SERINC3: variants seen among roughly 807,000 people sequenced by gnomAD.
SERINC3 encodes tumor differentially expressed protein 1.
In SERINC3, 22 loss-of-function variants were observed where a neutral mutation model predicts 52.1. The ratio of observed to expected loss-of-function variants is 0.42; its 90% CI spans 0.30 to 0.60. The LOEUF is 0.60. Among genes scored for constraint, SERINC3 ranks in the 20% least tolerant of loss-of-function variants. The pLI is 0.16. For synonymous variants in SERINC3, 226 were observed against 212.7 expected (o/e 1.06, Z -0.54); for missense variants, 564 against 584.6 (o/e 0.96, Z 0.36).
At chr20:44,512,126 A>C (rs572834484) in intron 3 of SERINC3, among the ~76,000 whole-genome samples, 262 of 152,288 alleles carry the variant, frequency 1.7e-3, no homozygotes, top group Non-Finnish European at 3.3e-3. Context: ...CAGCCTGGCC[A>C]ACACGGTGAA....
At position 44,521,547 on chromosome 20, in the gene SERINC3, G is replaced by A. The variant is rs1600822765; in HGVS notation, c.39+366C>T. On this transcript the variant is annotated intron_variant, in intron 1 of 9. Coordinates refer to ENST00000342374, the MANE Select transcript of SERINC3 (RefSeq NM_006811.4). The stretch of plus-strand genomic sequence containing the variant: ...ATAAAAATATTACTTGAGCCACCTA[G>A]AACTAAATGATGGCACCTTAAGAGG... Among the ~76,000 whole-genome samples, 5 of 152,364 alleles carry A rather than the reference G, an allele frequency of 3.3e-5. 1 individual carries two copies. The highest frequency in any genetic ancestry group is 3.3e-4 in the Admixed American group (5 of 15,306).
intron 5 of SERINC3, among the ~76,000 whole-genome samples, chr20:44,509,075 A>G (rs2064331786): frequency 6.6e-6 from 1 of 152,260 alleles, no homozygotes; most frequent in Non-Finnish European, 1.5e-5. Flanking sequence ...CTAAGGAAAT[A>G]ATCAGAAATG....
chr20:44,501,020 T>G (rs139883459), intron 9 of SERINC3, 53 bp downstream of exon 9: 7 of 1,313,322 alleles, frequency 5.3e-6, no homozygotes, highest in Middle Eastern at 1.9e-4. Context: ...TGAGATTTTA[T>G]AGGCCATCCA....
At chr20:44,504,131 G>C in intron 7 of SERINC3, 136 bp from the exon 8 acceptor site, 1 of 600,552 alleles carries the variant, frequency 1.7e-6, no homozygotes, top group Non-Finnish European at 2.7e-6. Flanking sequence ...CTGAAACTTA[G>C]CAGTCAGTAG....
chr20:44,508,263 C>A (rs532774869), intron 5 of SERINC3, among the ~76,000 whole-genome samples: 1 of 152,116 alleles, frequency 6.6e-6, no homozygotes, highest in South Asian at 2.1e-4. Flanking sequence ...GCAGGTGGAT[C>A]GATTGAGTCC....
chr20:44,501,686 C>T (rs1316782389), intron 8 of SERINC3, among the ~76,000 whole-genome samples: 3 of 152,150 alleles, frequency 2.0e-5, no homozygotes, highest in Non-Finnish European at 2.9e-5. Flanking sequence ...CTGACATCAC[C>T]CCTCACTGGC....
Position 44,503,918 on chromosome 20 carries a change from C to G in SERINC3, c.952G>C (p.Ala318Pro). The G allele has an allele frequency of 6.2e-7, 1 of 1,604,862 alleles. No individual in the cohort carries two copies. The highest frequency in any genetic ancestry group is 8.5e-7 in the Non-Finnish European group (1 of 1,176,874). Residue 318 changes from alanine to proline, a missense_variant, in exon 8 of 10, where the codon GCT becomes CCT. Physicochemically the swap from Ala to Pro is conservative, Grantham distance 27. Coordinates refer to ENST00000342374, the MANE Select transcript of SERINC3 (RefSeq NM_006811.4). Reference protein sequence around the residue: ...APTLAPGNSTAVVPTPTPPSK... With the variant: ...APTLAPGNSTPVVPTPTPPSK... ...GGTGGAGTAGGGGTAGGGACCACAG[C>G]AGTTGAATTTCCAGGAGCCAGGGTT...
chr20:44,504,946 A>G, intron 6 of SERINC3, 55 bp from the exon 7 acceptor site: 3 of 1,344,292 alleles, frequency 2.2e-6, no homozygotes, highest in East Asian at 2.3e-5. Context: ...CTGACTTTCC[A>G]AAATGCAGTG....
chr20:44,501,842 TA>T, intron 8 of SERINC3, among the ~76,000 whole-genome samples: 1 of 152,226 alleles, frequency 6.6e-6, no homozygotes, highest in East Asian at 1.9e-4. Context: ...AGATGTTCAC[TA>T]AAAGTTTGTT....
chr20:44,502,904 A>G (rs1364319126), intron 8 of SERINC3, among the ~76,000 whole-genome samples: 2 of 152,184 alleles, frequency 1.3e-5, no homozygotes, highest in Non-Finnish European at 2.9e-5. Context: ...GTCACCAATC[A>G]TATCTCTATA....
intron 1 of SERINC3, among the ~76,000 whole-genome samples, chr20:44,520,434 A>T (rs182277745): frequency 5.9e-5 from 9 of 152,350 alleles, no homozygotes; most frequent in African/African-American, 1.4e-4. Flanking sequence ...TAAAAAAAGA[A>T]GAAAATCATG....
intron 5 of SERINC3, 87 bp downstream of exon 5, chr20:44,509,801 CTAT>C: frequency 7.2e-7 from 1 of 1,384,546 alleles, no homozygotes; most frequent in Non-Finnish European, 1.0e-6. Context: ...TCCCTGAGGA[CTAT>C]AGCTGCTGGG....
rs2064255915 is a variant in SERINC3, at chr20:44,497,686, C to T, written c.*2610G>A. 1.3e-5 allele frequency: 2 copies of T among 152,210 alleles called. No individual in the cohort carries two copies. The highest frequency in any genetic ancestry group is 2.9e-5 in the Non-Finnish European group (2 of 68,044). The allele number at this position is 152,210 out of a possible 1,614,324, so 9.4% of individuals were successfully genotyped here. On this transcript the variant is annotated 3_prime_UTR_variant, in exon 10 of 10. Coordinates refer to ENST00000342374, the MANE Select transcript of SERINC3 (RefSeq NM_006811.4). ...CTCAAATCCCTTGAAACGCTATACC[C>T]TGACATAAACCACTGGTTTAAAAGA...
At chr20:44,510,173 A>G (rs1389754377) in intron 4 of SERINC3, 145 bp from the exon 5 acceptor site, 4 of 738,640 alleles carry the variant, frequency 5.4e-6, no homozygotes, top group Admixed American at 2.8e-5. Context: ...TCCAAACTCA[A>G]CGGCATTCTT....
intron 8 of SERINC3, 104 bp downstream of exon 8, chr20:44,503,711 G>A: frequency 4.6e-6 from 4 of 868,840 alleles, no homozygotes; most frequent in Non-Finnish European, 7.0e-6. Flanking sequence ...ATTAAAGAGA[G>A]TGAAGTTTTT....
chr20:44,509,610 C>A (rs528291649), intron 5 of SERINC3, among the ~76,000 whole-genome samples: 1 of 152,062 alleles, frequency 6.6e-6, no homozygotes, highest in African/African-American at 2.4e-5. Context: ...CTTACTGCAG[C>A]CTTGAACTCC....
At chr20:44,500,570 G>A (rs2051501376) in intron 9 of SERINC3, 136 bp from the exon 10 acceptor site, 3 of 868,726 alleles carry the variant, frequency 3.5e-6, no homozygotes, top group South Asian at 3.1e-5. Flanking sequence ...GGGTTGAAGG[G>A]GACCAGAGGA....
chr20:44,503,940 G>A lies in SERINC3; in HGVS notation c.930C>T (p.Thr310=). The A allele has an allele frequency of 6.2e-7, 1 of 1,606,574 alleles. No individual in the cohort carries two copies. Among genetic ancestry groups the A allele is most frequent in the Non-Finnish European group, 8.5e-7 (1 of 1,177,788 alleles). ...CAGCAGTTGAATTTCCAGGAGCCAG[G>A]GTTGGTGCAGTTATGCGTGTAATAA... is the stretch of plus-strand genomic sequence containing the variant. ...MSFITRITAP[T]LAPGNSTAVV... The change falls in exon 8 of 10, where the codon ACC becomes ACT. Residue 310 remains threonine, a synonymous_variant. Coordinates refer to ENST00000342374, the MANE Select transcript of SERINC3 (RefSeq NM_006811.4).
At position 44,497,474 on chromosome 20, in the gene SERINC3, T is replaced by C. The variant is rs2123020935; in HGVS notation, c.*2822A>G. ...AAAAAATAAAAACTTTATTGGACTTTGTTACATTTATTTTACAGTTTAGTA... is the reference window on the plus strand; with the variant it reads ...AAAAAATAAAAACTTTATTGGACTTCGTTACATTTATTTTACAGTTTAGTA... On this transcript the variant is annotated 3_prime_UTR_variant, in exon 10 of 10. Coordinates refer to ENST00000342374, the MANE Select transcript of SERINC3 (RefSeq NM_006811.4). The C allele has an allele frequency of 6.6e-6, 1 of 152,320 alleles. No homozygotes were observed. The highest frequency in any genetic ancestry group is 1.9e-4 in the East Asian group (1 of 5,190). The allele number at this position is 152,320 out of a possible 1,614,324, so 9.4% of individuals were successfully genotyped here.
Sources: gnomAD v4.1 joint callset for allele counts (sites outside exome capture counted in the v4.1 genomes callset) on GRCh38, gnomAD v4.1.1 for gene constraint, MANE v1.5 for transcripts, NCBI Gene and HGNC (gene_info 2026-07-23, HGNC 2026-07-21) for gene names.